IL1RAPL1: variants seen among roughly 807,000 people sequenced by gnomAD.
The protein encoded by IL1RAPL1 is interleukin 1 receptor accessory protein like 1.
Under a neutral mutation model 48.4 loss-of-function variants are expected in IL1RAPL1, and 3 were observed. That is an observed-to-expected ratio of 0.06 (90% CI 0.03 to 0.16). IL1RAPL1 has a LOEUF of 0.16. IL1RAPL1 is among the 10% of genes least tolerant of loss of function. The pLI, the probability that IL1RAPL1 is intolerant of heterozygous loss-of-function variation, is 1.00. For synonymous variants in IL1RAPL1, 185 were observed against 187.7 expected (o/e 0.99, Z 0.12); for missense variants, 349 against 530.6 (o/e 0.66, Z 3.36).
chrX:29,703,520 T>G (rs1419801396), intron 6 of IL1RAPL1, among the ~76,000 whole-genome samples: 1 of 110,646 alleles, frequency 9.0e-6, no homozygotes, highest in African/African-American at 3.3e-5. Context: ...TTTTTTGTAT[T>G]TTTTAGTAGA....
intron 5 of IL1RAPL1, among the ~76,000 whole-genome samples, chrX:29,646,712 A>G (rs1602344149): frequency 9.9e-6 from 1 of 100,833 alleles, no homozygotes; most frequent in East Asian, 2.9e-4. Context: ...ACACAGCAAG[A>G]AAAAAAAAAA....
rs1031153248 is a variant in IL1RAPL1, at chrX:29,480,958, T to C, written c.703+81650T>C. 2.7e-5 allele frequency among the ~76,000 whole-genome samples: 3 copies of C among 112,144 alleles called. No individual in the cohort carries two copies. In the Admixed American group the frequency reaches 2.8e-4, roughly 11 times the overall value. ...ATGTTTTCTTTATTGCAAAAGTAAA[T>C]ATTAATAGCATCCATCCTTAATACA... On this transcript the variant is annotated intron_variant, in intron 5 of 10. Coordinates refer to ENST00000378993, the MANE Select transcript of IL1RAPL1 (RefSeq NM_014271.4).
At chrX:28,742,432 A>T (rs1053574272) in intron 1 of IL1RAPL1, among the ~76,000 whole-genome samples, 1 of 111,494 alleles carries the variant, frequency 9.0e-6, no homozygotes, top group African/African-American at 3.3e-5. Context: ...AAAGATGAAA[A>T]TGTATTTTCC....
chrX:28,830,329 T>G (rs1052446042), intron 2 of IL1RAPL1, among the ~76,000 whole-genome samples: 1 of 112,084 alleles, frequency 8.9e-6, no homozygotes, highest in Non-Finnish European at 1.9e-5. Flanking sequence ...TACAGGTCTA[T>G]TTACATTTTT....
intron 6 of IL1RAPL1, among the ~76,000 whole-genome samples, chrX:29,835,898 T>TTTTTTTTTTTTTTTTTTTTTTTTTTTTTC (rs751809384): frequency 9.8e-6 from 1 of 101,623 alleles, no homozygotes; most frequent in African/African-American, 3.8e-5. Flanking sequence ...TTTTTTTTTT[T>TTTTTTTTTTTTTTTTTTTTTTTTTTTTTC]AGTTAGTTAG....
At chrX:28,768,747 C>CTATATA (rs1936274600) in intron 1 of IL1RAPL1, among the ~76,000 whole-genome samples, 1 of 70,894 alleles carries the variant, frequency 1.4e-5, no homozygotes, top group Non-Finnish European at 2.6e-5. Context: ...CTCTCTCTCT[C>CTATATA]TCTCTCTCTA....
chrX:29,301,065 G>A (rs1932526634), intron 3 of IL1RAPL1, among the ~76,000 whole-genome samples: 1 of 111,879 alleles, frequency 8.9e-6, no homozygotes, highest in Non-Finnish European at 1.9e-5. Flanking sequence ...GTCAAGCCAT[G>A]AAATTTTTAT....
intron 2 of IL1RAPL1, among the ~76,000 whole-genome samples, chrX:29,094,171 C>G (rs778020994): frequency 9.0e-6 from 1 of 111,605 alleles, no homozygotes; most frequent in Non-Finnish European, 1.9e-5. Context: ...TGCATGCCCC[C>G]CTTTGGGATC....
chrX:29,467,471 G>A (rs1277525392), intron 5 of IL1RAPL1, among the ~76,000 whole-genome samples: 5 of 112,396 alleles, frequency 4.4e-5, no homozygotes, highest in Admixed American at 1.9e-4. Context: ...CGAAGGGGTC[G>A]CTCACTTACT....
At chrX:28,809,096 G>A (rs1198725877) in intron 2 of IL1RAPL1, among the ~76,000 whole-genome samples, 1 of 110,031 alleles carries the variant, frequency 9.1e-6, no homozygotes, top group Non-Finnish European at 1.9e-5. Context: ...TTTGAGGTGT[G>A]TTTAATTTAA....
rs751081850 is a variant in IL1RAPL1 at position 28,786,899 on chromosome X, A to T, written c.-24-2421A>T. 2.3e-3 allele frequency among the ~76,000 whole-genome samples: 263 copies of T among 112,311 alleles called. 3 individuals are homozygous for T. The highest frequency in any genetic ancestry group is 1.5e-3 in the Non-Finnish European group (79 of 53,244). On this transcript the variant is annotated intron_variant, in intron 1 of 10. Coordinates refer to ENST00000378993, the MANE Select transcript of IL1RAPL1 (RefSeq NM_014271.4). ...TCTGGGTGCAAATTTTGATTATGCA[A>T]CAAGGATAGCAAAACTTGGATGTCT... is the stretch of plus-strand genomic sequence containing the variant.
intron 2 of IL1RAPL1, among the ~76,000 whole-genome samples, chrX:29,188,168 C>A (rs1930287971): frequency 8.9e-6 from 1 of 112,091 alleles, no homozygotes; most frequent in Non-Finnish European, 1.9e-5. Flanking sequence ...ACAGACTACT[C>A]CTCTGTGTCT....
chrX:29,538,338 C>CTTTTTTTTTTTT (rs397896582), intron 5 of IL1RAPL1, among the ~76,000 whole-genome samples: 7 of 83,621 alleles, frequency 8.4e-5, no homozygotes, highest in African/African-American at 2.3e-4. Flanking sequence ...CTTTTCTTTT[C>CTTTTTTTTTTTT]TTTTTTTTTT....
intron 1 of IL1RAPL1, among the ~76,000 whole-genome samples, chrX:28,631,994 A>G (rs761842917): frequency 8.9e-6 from 1 of 112,694 alleles, no homozygotes; most frequent in African/African-American, 3.2e-5. Context: ...ATAGGTTAAA[A>G]GGTGATTAAG....
intron 1 of IL1RAPL1, among the ~76,000 whole-genome samples, chrX:28,688,474 C>CA: frequency 8.9e-6 from 1 of 111,879 alleles, no homozygotes; most frequent in East Asian, 2.8e-4. Context: ...CCTCCCAAAG[C>CA]ACTTGGATTA....
Position 28,933,168 on chromosome X carries a change from A to C in IL1RAPL1, c.82+143743A>C, listed in dbSNP as rs773240831. On this transcript the variant is annotated intron_variant, in intron 2 of 10. Transcript: ENST00000378993. ...TATGTATACACTGTAGACATTGTGT[A>C]TGTGTCTGTAGATTTCCAGCTTGGA... Among the ~76,000 whole-genome samples, 38 of 111,983 alleles carry C rather than the reference A, an allele frequency of 3.4e-4. 1 individual carries two copies. In the East Asian group the frequency reaches 9.3e-3, roughly 27 times the overall value.
Position 29,686,534 on chromosome X carries a change from GATTTATTTATTTATTT to G in IL1RAPL1, c.778+18056_778+18071del, listed in dbSNP as rs71956626. Among the ~76,000 whole-genome samples the G allele has an allele frequency of 1.1e-4, 9 of 83,332 alleles. No individual in the cohort carries two copies. In the East Asian group the frequency reaches 3.1e-3, roughly 29 times the overall value. The allele number at this position is 83,332 out of a possible 115,157, so 72.4% of individuals were successfully genotyped here. On this transcript the variant is annotated intron_variant, in intron 6 of 10. Coordinates refer to ENST00000378993, the MANE Select transcript of IL1RAPL1 (RefSeq NM_014271.4). ...CCCTGCCTCCCCCCACCCCCCTAAA[GATTTATTTATTTATTT>G]ATTTATTTATTTATTTATTTATTTA...
chrX:29,775,229 G>C (rs913509128), intron 6 of IL1RAPL1, among the ~76,000 whole-genome samples: 1 of 111,189 alleles, frequency 9.0e-6, no homozygotes, highest in Non-Finnish European at 1.9e-5. Flanking sequence ...ATCATCATTG[G>C]GGTTGTTTGG....
intron 3 of IL1RAPL1, among the ~76,000 whole-genome samples, chrX:29,301,993 G>A (rs980905928): frequency 9.0e-6 from 1 of 111,663 alleles, no homozygotes; most frequent in Non-Finnish European, 1.9e-5. Context: ...CGTGGCTGGA[G>A]TGAAAAGTGC....
Sources: allele counts gnomAD v4.1 joint callset (sites outside exome capture counted in the v4.1 genomes callset), GRCh38; gene constraint gnomAD v4.1.1; transcripts MANE v1.5; gene names NCBI Gene and HGNC (gene_info 2026-07-23, HGNC 2026-07-21).